The following PPP2R2B variants were observed in gnomAD, a reference collection of about 807,000 sequenced individuals.
PPP2R2B encodes protein phosphatase 2 regulatory subunit Bbeta.
A neutral mutation model predicts 46.0 loss-of-function variants in PPP2R2B; 5 were observed. The observed-to-expected ratio is 0.11, with a 90% CI of 0.06 to 0.23. The LOEUF (loss-of-function observed/expected upper bound fraction) is 0.23. Among genes scored for constraint, PPP2R2B ranks in the 10% least tolerant of loss-of-function variants. PPP2R2B has a pLI of 1.00. For synonymous variants in PPP2R2B, 215 were observed against 206.7 expected (o/e 1.04, Z -0.34); for missense variants, 367 against 575.0 (o/e 0.64, Z 3.70).
chr5:146,896,287 A>G (rs1582379728), intron 1 of PPP2R2B, among the ~76,000 whole-genome samples: 1 of 152,274 alleles, frequency 6.6e-6, no homozygotes, highest in African/African-American at 2.4e-5. Context: ...CATTAACTCT[A>G]TCTCTCACCA....
chr5:146,946,113 C>T (rs1260701906), intron 1 of PPP2R2B, among the ~76,000 whole-genome samples: 2 of 152,184 alleles, frequency 1.3e-5, no homozygotes, highest in Non-Finnish European at 1.5e-5. Context: ...CTCTTTATCC[C>T]TGTGTTCCCT....
intron 1 of PPP2R2B, chr5:147,054,675 A>C (rs1228645265): frequency 2.2e-6 from 1 of 456,212 alleles, no homozygotes; most frequent in South Asian, 1.5e-5. Context: ...GGATGAAAAC[A>C]AGAGTGGGTT....
At chr5:146,919,685 TG>T (rs1427088286) in intron 1 of PPP2R2B, 1 of 152,216 alleles carries the variant, frequency 6.6e-6, no homozygotes, top group Non-Finnish European at 1.5e-5. Flanking sequence ...AGGACTCACC[TG>T]CCACAACTGG....
chr5:146,815,036 G>C (rs189046977), intron 2 of PPP2R2B, among the ~76,000 whole-genome samples: 8 of 152,142 alleles, frequency 5.3e-5, no homozygotes, highest in Admixed American at 3.3e-4. Flanking sequence ...ACTCAGATAC[G>C]TTCCGCTGCT....
intron 1 of PPP2R2B, among the ~76,000 whole-genome samples, chr5:146,973,677 G>A (rs1235531819): frequency 6.6e-6 from 1 of 152,168 alleles, no homozygotes; most frequent in Non-Finnish European, 1.5e-5. Flanking sequence ...GATAGTATTT[G>A]AGGCTAGGAT....
At chr5:147,007,911 C>G in intron 1 of PPP2R2B, among the ~76,000 whole-genome samples, 1 of 152,164 alleles carries the variant, frequency 6.6e-6, no homozygotes, top group East Asian at 1.9e-4. Flanking sequence ...CGGCTTCATT[C>G]TTGAAGTCAG....
chr5:146,915,977 G>A (rs1402152993), intron 1 of PPP2R2B, among the ~76,000 whole-genome samples: 1 of 152,160 alleles, frequency 6.6e-6, no homozygotes, highest in African/African-American at 2.4e-5. Context: ...CATGTTTTTA[G>A]AAACCGGACT....
intron 7 of PPP2R2B, among the ~76,000 whole-genome samples, chr5:146,604,739 A>G (rs1267786742): frequency 6.6e-6 from 1 of 152,194 alleles, no homozygotes; most frequent in Non-Finnish European, 1.5e-5. Flanking sequence ...GTAGATAAGG[A>G]GACAGACCAG....
rs575882586 is a variant in PPP2R2B at position 146,850,348 on chromosome 5, G to A, written c.70+27654C>T. On this transcript the variant is annotated intron_variant, in intron 2 of 9. Coordinates refer to ENST00000394411, the MANE Select transcript of PPP2R2B (RefSeq NM_181675.4). Reference sequence around the variant, plus strand: ...AATAGTATTTTTGAAAAGCAAACTTGGTCACTTTCCCCAATCTTCCCTACA... The same window carrying A: ...AATAGTATTTTTGAAAAGCAAACTTAGTCACTTTCCCCAATCTTCCCTACA... Among the ~76,000 whole-genome samples the A allele has an allele frequency of 3.5e-4, 53 of 152,146 alleles. No individual in the cohort carries two copies. In the South Asian group the frequency reaches 1.0e-2, roughly 29 times the overall value.
intron 1 of PPP2R2B, among the ~76,000 whole-genome samples, chr5:146,904,266 T>G (rs1416034209): frequency 6.6e-6 from 1 of 152,180 alleles, no homozygotes; most frequent in Non-Finnish European, 1.5e-5. Context: ...TGATCCACAG[T>G]TCCTAAAAGT....
chr5:146,631,251 A>G (rs544638508), intron 7 of PPP2R2B, among the ~76,000 whole-genome samples: 1 of 152,252 alleles, frequency 6.6e-6, no homozygotes, highest in African/African-American at 2.4e-5. Context: ...GTCATTCATC[A>G]ACTTTCTTCA....
intron 2 of PPP2R2B, among the ~76,000 whole-genome samples, chr5:147,074,060 G>A (rs1317408842): frequency 6.6e-6 from 1 of 151,634 alleles, no homozygotes; most frequent in Non-Finnish European, 1.5e-5. Context: ...AGAATTATTT[G>A]GAATGCTTGT....
intron 2 of PPP2R2B, among the ~76,000 whole-genome samples, chr5:146,753,545 T>C (rs886255705): frequency 6.6e-5 from 10 of 152,170 alleles, no homozygotes; most frequent in African/African-American, 2.2e-4. Flanking sequence ...GACTGGTAGC[T>C]GACATTAATT....
chr5:146,799,269 C>G (rs1469551739), intron 2 of PPP2R2B, among the ~76,000 whole-genome samples: 2 of 152,158 alleles, frequency 1.3e-5, no homozygotes, highest in Non-Finnish European at 2.9e-5. Flanking sequence ...TAACACAGTA[C>G]AAATTTTAAC....
intron 1 of PPP2R2B, among the ~76,000 whole-genome samples, chr5:146,903,930 T>C (rs1391404422): frequency 6.6e-6 from 1 of 152,194 alleles, no homozygotes; most frequent in Non-Finnish European, 1.5e-5. Context: ...TGCCAAATGA[T>C]AGATTCTTCC....
chr5:146,956,358 A>G (rs1338420683), intron 1 of PPP2R2B, among the ~76,000 whole-genome samples: 1 of 152,096 alleles, frequency 6.6e-6, no homozygotes, highest in Admixed American at 6.6e-5. Context: ...CTCCTATCTG[A>G]TCCCCAACTA....
chr5:146,783,578 T>TA (rs1476723561), intron 2 of PPP2R2B, among the ~76,000 whole-genome samples: 1 of 152,206 alleles, frequency 6.6e-6, no homozygotes, highest in African/African-American at 2.4e-5. Context: ...CATGCTATTT[T>TA]AAAAAATAAT....
intron 5 of PPP2R2B, among the ~76,000 whole-genome samples, chr5:146,670,773 G>A (rs1777307144): frequency 6.6e-6 from 1 of 152,042 alleles, no homozygotes; most frequent in South Asian, 2.1e-4. Flanking sequence ...GGGATTATAG[G>A]CATGAGCCAC....
At chr5:146,790,583 G>C (rs1756133842) in intron 2 of PPP2R2B, among the ~76,000 whole-genome samples, 1 of 152,136 alleles carries the variant, frequency 6.6e-6, no homozygotes, top group South Asian at 2.1e-4. Flanking sequence ...GCATATGATG[G>C]GGACTTGGAA....
Sources: allele counts gnomAD v4.1 joint callset (sites outside exome capture counted in the v4.1 genomes callset), GRCh38; gene constraint gnomAD v4.1.1; transcripts MANE v1.5; gene names NCBI Gene and HGNC (gene_info 2026-07-23, HGNC 2026-07-21).